Variants in PCAT7 observed in about 807,000 individuals in gnomAD.
The protein encoded by PCAT7 is prostate cancer associated transcript 7 (non-protein coding).
intron 2 of PCAT7, chr9:94,570,138 C>T (rs1005829220): frequency 6.6e-6 from 1 of 152,196 alleles, no homozygotes; most frequent in Admixed American, 6.5e-5. Context: ...CAGACTGGGC[C>T]CTGCTTTCAT....
At chr9:94,570,332 G>C (rs990207388) in intron 2 of PCAT7, 1 of 152,172 alleles carries the variant, frequency 6.6e-6, no homozygotes, top group Non-Finnish European at 1.5e-5. Flanking sequence ...CAGACTGCTG[G>C]AGCATGACTC....
intron 1 of PCAT7, among the ~76,000 whole-genome samples, chr9:94,557,799 T>C (rs1348212221): frequency 6.6e-6 from 1 of 152,232 alleles, no homozygotes; most frequent in Non-Finnish European, 1.5e-5. Context: ...TGTCAATCTT[T>C]CATGAATGTC....
intron 2 of PCAT7, chr9:94,567,537 T>A: frequency 9.3e-7 from 1 of 1,070,980 alleles, no homozygotes; most frequent in Non-Finnish European, 1.4e-6. Flanking sequence ...GTGGTCACTC[T>A]GAACCTGCTC....
intron 2 of PCAT7, among the ~76,000 whole-genome samples, chr9:94,560,404 G>A (rs62578747): frequency 6.6e-6 from 1 of 152,034 alleles, no homozygotes; most frequent in Admixed American, 6.5e-5. Context: ...ATGTCATGAC[G>A]CCCCCAGCCT....
intron 2 of PCAT7, among the ~76,000 whole-genome samples, chr9:94,561,425 C>A (rs952661618): frequency 7.8e-6 from 1 of 128,970 alleles, no homozygotes; most frequent in Non-Finnish European, 1.6e-5. Flanking sequence ...TGCAGTGGCG[C>A]GATCTCGGCT....
intron 2 of PCAT7, among the ~76,000 whole-genome samples, chr9:94,566,985 T>C (rs1827198957): frequency 6.6e-6 from 1 of 152,208 alleles, no homozygotes; most frequent in East Asian, 1.9e-4. Flanking sequence ...AGAGAGGATC[T>C]GGCGTGAGCT....
At chr9:94,557,524 C>T (rs1307008776) in intron 1 of PCAT7, among the ~76,000 whole-genome samples, 1 of 152,210 alleles carries the variant, frequency 6.6e-6, no homozygotes, top group Non-Finnish European at 1.5e-5. Context: ...CCATGCTAGA[C>T]TGAGGAACGA....
intron 2 of PCAT7, chr9:94,570,575 A>G (rs928912657): frequency 6.6e-6 from 1 of 152,192 alleles, no homozygotes; most frequent in African/African-American, 2.4e-5. Flanking sequence ...AGGGTGTTTT[A>G]TTGTCTGAGG....
At chr9:94,556,020 T>G (rs1587832330) in intron 1 of PCAT7, among the ~76,000 whole-genome samples, 7 of 126,014 alleles carry the variant, frequency 5.6e-5, no homozygotes, top group African/African-American at 9.1e-5. Flanking sequence ...AAGAGGGAGG[T>G]GAGCAGGAGT....
chr9:94,567,710 T>C (rs1417325771), intron 2 of PCAT7: 13 of 318,364 alleles, frequency 4.1e-5, no homozygotes, highest in Non-Finnish European at 7.6e-5. Context: ...TCCTCATTTA[T>C]GGTGAACCCA....
intron 1 of PCAT7, among the ~76,000 whole-genome samples, chr9:94,558,431 A>C (rs1189955453): frequency 2.0e-5 from 3 of 152,036 alleles, no homozygotes; most frequent in African/African-American, 2.4e-5. Context: ...AGTAGCTGGG[A>C]CTACAGGCGC....
intron 2 of PCAT7, among the ~76,000 whole-genome samples, chr9:94,572,581 T>C (rs922578680): frequency 6.6e-6 from 1 of 152,192 alleles, no homozygotes; most frequent in African/African-American, 2.4e-5. Context: ...TTCACGGGCT[T>C]AGTGTCTGAC....
intron 1 of PCAT7, among the ~76,000 whole-genome samples, chr9:94,557,332 A>AT (rs1454826430): frequency 2.6e-5 from 4 of 152,226 alleles, no homozygotes; most frequent in Non-Finnish European, 5.9e-5. Context: ...ATATTTTAAC[A>AT]TTCTTCTAGT....
intron 2 of PCAT7, among the ~76,000 whole-genome samples, chr9:94,571,267 C>G (rs1455645392): frequency 1.3e-5 from 2 of 152,168 alleles, no homozygotes; most frequent in East Asian, 3.9e-4. Context: ...ACTCCTCCCC[C>G]CGAGTGCCCT....
intron 2 of PCAT7, chr9:94,567,659 T>C: frequency 4.6e-6 from 2 of 435,718 alleles, no homozygotes; most frequent in South Asian, 4.8e-5. Context: ...CAGCCCATAG[T>C]CTTCTTTCTT....
At chr9:94,557,653 C>T (rs746317442) in intron 1 of PCAT7, among the ~76,000 whole-genome samples, 126 of 152,308 alleles carry the variant, frequency 8.3e-4, no homozygotes, top group Non-Finnish European at 3.8e-4. Flanking sequence ...CTGGTCCCAC[C>T]CGACACTGCC....
chr9:94,555,690 G>T lies in PCAT7; in HGVS notation n.257+380G>T, dbSNP rs151173764. On this transcript the variant is annotated intron_variant and non_coding_transcript_variant, in intron 1 of 8. Coordinates refer to ENST00000647389, the Ensembl canonical transcript of PCAT7. ...AAAAGAAGATAGCAAGTGGGAGAAG[G>T]AAAAAGAGGGTAACCAGCGGGAGGA... is the stretch of plus-strand genomic sequence containing the variant. 3.9e-3 allele frequency among the ~76,000 whole-genome samples: 595 copies of T among 151,618 alleles called. 1 individual carries two copies. Among genetic ancestry groups the T allele is most frequent in the African/African-American group, 0.014 (567 of 41,318 alleles).
At chr9:94,561,646 T>G (rs992939282) in intron 2 of PCAT7, among the ~76,000 whole-genome samples, 1 of 152,094 alleles carries the variant, frequency 6.6e-6, no homozygotes, top group Admixed American at 6.5e-5. Flanking sequence ...ATTACAGGCG[T>G]GAGCCACCGC....
At chr9:94,572,636 G>A (rs796103743) in intron 2 of PCAT7, among the ~76,000 whole-genome samples, 11 of 152,134 alleles carry the variant, frequency 7.2e-5, no homozygotes, top group South Asian at 2.1e-4. Context: ...TACCAACTCC[G>A]TCTTGTTCCT....
Sources: gnomAD v4.1 joint callset for allele counts (sites outside exome capture counted in the v4.1 genomes callset) on GRCh38, gnomAD v4.1.1 for gene constraint, MANE v1.5 for transcripts, NCBI Gene and HGNC (gene_info 2026-07-23, HGNC 2026-07-21) for gene names.